WWOX: variants seen among roughly 807,000 people sequenced by gnomAD.
WWOX encodes WW domain-containing oxidoreductase.
Under a neutral mutation model 46.2 loss-of-function variants are expected in WWOX, and 69 were observed. That is an observed-to-expected ratio of 1.49 (90% CI 1.23 to 1.82). The LOEUF (loss-of-function observed/expected upper bound fraction) is 1.82, where lower values mean the gene tolerates loss of function less well. Among genes scored for constraint, WWOX ranks in the 40% most tolerant of loss-of-function variants. WWOX has a pLI of 0.00. For synonymous variants in WWOX, 359 were observed against 202.6 expected (o/e 1.77, Z -6.56); for missense variants, 919 against 542.6 (o/e 1.69, Z -6.89).
chr16:78,818,814 A>G (rs1438660170), intron 8 of WWOX, among the ~76,000 whole-genome samples: 1 of 152,292 alleles, frequency 6.6e-6, no homozygotes, highest in South Asian at 2.1e-4. Flanking sequence ...ACGTAATTCC[A>G]AAGGTTGCTT....
At chr16:78,633,557 CG>C (rs746576324) in intron 8 of WWOX, among the ~76,000 whole-genome samples, 18 of 152,192 alleles carry the variant, frequency 1.2e-4, no homozygotes, top group Non-Finnish European at 2.1e-4. Context: ...TTTCACTGTG[CG>C]GGTTTCTGAT....
At chr16:78,802,943 C>CA (rs1044478788) in intron 8 of WWOX, among the ~76,000 whole-genome samples, 3 of 40,842 alleles carry the variant, frequency 7.3e-5, no homozygotes, top group Admixed American at 3.3e-4. Flanking sequence ...AAAAAAAAAA[C>CA]AACAAACAGA....
rs1047349197 is a variant in WWOX at position 78,702,244 on chromosome 16, T to C, written c.1056+269492T>C. Among the ~76,000 whole-genome samples, 5 of 150,028 alleles carry C rather than the reference T, an allele frequency of 3.3e-5. No homozygotes were observed. In the East Asian group the frequency reaches 9.8e-4, roughly 29 times the overall value. On this transcript the variant is annotated intron_variant, in intron 8 of 8. Coordinates refer to ENST00000566780, the MANE Select transcript of WWOX (RefSeq NM_016373.4). ...GCAGTGAGCAGTGATGACTCCACTA[T>C]ACTCCAGCCTGGGTGACAGAGTGAG...
chr16:79,210,973 C>T (rs1320902031), intron 8 of WWOX, among the ~76,000 whole-genome samples: 1 of 151,800 alleles, frequency 6.6e-6, no homozygotes, highest in Non-Finnish European at 1.5e-5. Flanking sequence ...AAAAGGTTTT[C>T]ATGGGATCTG....
At chr16:78,170,171 G>A (rs1277717476) in intron 5 of WWOX, among the ~76,000 whole-genome samples, 1 of 152,180 alleles carries the variant, frequency 6.6e-6, no homozygotes, top group Non-Finnish European at 1.5e-5. Context: ...TCTCTTGGGG[G>A]TGCAAATCGT....
intron 8 of WWOX, among the ~76,000 whole-genome samples, chr16:78,564,107 C>T (rs1350972767): frequency 1.3e-5 from 2 of 152,230 alleles, no homozygotes; most frequent in African/African-American, 2.4e-5. Context: ...ACAGACGCAA[C>T]TGCCTTGCTG....
At chr16:78,859,258 G>A (rs2052660485) in intron 8 of WWOX, among the ~76,000 whole-genome samples, 1 of 151,314 alleles carries the variant, frequency 6.6e-6, no homozygotes. Flanking sequence ...GGGCTGAGCT[G>A]CCTGAAAGGG....
chr16:78,318,272 ATTTTT>A (rs34730954), intron 5 of WWOX, among the ~76,000 whole-genome samples: 1 of 123,566 alleles, frequency 8.1e-6, no homozygotes, highest in Non-Finnish European at 1.6e-5. Flanking sequence ...TCTGGGAGGA[ATTTTT>A]TTTTTTTTTT....
chr16:78,811,582 G>A (rs1156897712), intron 8 of WWOX, among the ~76,000 whole-genome samples: 1 of 151,554 alleles, frequency 6.6e-6, no homozygotes, highest in Non-Finnish European at 1.5e-5. Context: ...TGTTGGCCAG[G>A]CTGGTCTCAA....
intron 8 of WWOX, among the ~76,000 whole-genome samples, chr16:78,540,139 C>T (rs779184584): frequency 1.3e-5 from 2 of 151,290 alleles, no homozygotes; most frequent in East Asian, 1.9e-4. Context: ...CAATTTCTGC[C>T]TGAGAGAGTG....
intron 8 of WWOX, among the ~76,000 whole-genome samples, chr16:78,641,039 G>C (rs905205268): frequency 2.0e-5 from 3 of 152,064 alleles, no homozygotes; most frequent in Admixed American, 2.0e-4. Flanking sequence ...TGTCCTAACT[G>C]AGCATTACTG....
chr16:78,625,293 C>T (rs1240733720), intron 8 of WWOX, among the ~76,000 whole-genome samples: 6 of 152,166 alleles, frequency 3.9e-5, no homozygotes, highest in Non-Finnish European at 7.3e-5. Context: ...TGACTGAGCT[C>T]CTCACTAAAG....
intron 4 of WWOX, among the ~76,000 whole-genome samples, chr16:78,154,485 C>CTTTT (rs557916068): frequency 6.4e-5 from 5 of 77,818 alleles, no homozygotes; most frequent in Non-Finnish European, 9.1e-5. Context: ...AATCCTTGAT[C>CTTTT]TTTTTTTTTT....
intron 8 of WWOX, among the ~76,000 whole-genome samples, chr16:78,867,450 T>G (rs2044028469): frequency 6.6e-6 from 1 of 151,796 alleles, no homozygotes; most frequent in Non-Finnish European, 1.5e-5. Flanking sequence ...AATTGACAGA[T>G]GGGGAATCTG....
At chr16:79,193,561 T>A (rs2051179134) in intron 8 of WWOX, among the ~76,000 whole-genome samples, 1 of 152,130 alleles carries the variant, frequency 6.6e-6, no homozygotes, top group African/African-American at 2.4e-5. Context: ...TGAGATTTAG[T>A]CCAGTCATCC....
intron 6 of WWOX, among the ~76,000 whole-genome samples, chr16:78,400,699 C>T (rs139161297): frequency 0.011 from 1,639 of 152,236 alleles, 28 homozygotes; most frequent in African/African-American, 0.037. Context: ...GGAAGGAAAG[C>T]AGGGATCATT....
chr16:78,764,118 C>T (rs568473132), intron 8 of WWOX, among the ~76,000 whole-genome samples: 2 of 152,276 alleles, frequency 1.3e-5, no homozygotes, highest in African/African-American at 4.8e-5. Context: ...GGATAAAAAT[C>T]GTGTCACCAC....
chr16:78,215,841 G>T (rs545381244), intron 5 of WWOX, among the ~76,000 whole-genome samples: 2 of 151,876 alleles, frequency 1.3e-5, no homozygotes, highest in East Asian at 3.9e-4. Context: ...CAGGAGAATC[G>T]CTTGAACCTG....
chr16:79,114,527 C>T (rs187172983), intron 8 of WWOX, among the ~76,000 whole-genome samples: 224 of 151,998 alleles, frequency 1.5e-3, no homozygotes, highest in Non-Finnish European at 2.6e-3. Flanking sequence ...GAACAGCAAG[C>T]ATTGCCATCC....
Sources: allele counts gnomAD v4.1 joint callset (sites outside exome capture counted in the v4.1 genomes callset), GRCh38; gene constraint gnomAD v4.1.1; transcripts MANE v1.5; gene names NCBI Gene and HGNC (gene_info 2026-07-23, HGNC 2026-07-21).